DCC: variants seen among roughly 807,000 people sequenced by gnomAD.
DCC encodes netrin receptor DCC.
DCC carries 58 observed loss-of-function variants against 172.5 expected under a neutral mutation model. The ratio of observed to expected loss-of-function variants is 0.34; its 90% confidence interval spans 0.27 to 0.42. The LOEUF (loss-of-function observed/expected upper bound fraction) is 0.42, where lower values mean the gene tolerates loss of function less well. Ranked by LOEUF, DCC falls within the 10% of genes least tolerant of loss-of-function variation. The probability of loss-of-function intolerance (pLI) is 1.00; values close to 1 mark genes in which losing one functional copy is unlikely to be tolerated. For missense variants in DCC, 1,740 were observed against 1,791.0 expected, an observed-to-expected ratio of 0.97 and a Z score of 0.51; for synonymous variants, 709 against 644.5, an observed-to-expected ratio of 1.10 and a Z score of -1.52.
rs1402088890 is a variant in DCC at position 53,184,348 on chromosome 18, TAAGG to T, written c.1573+5239_1573+5242del. On this transcript the variant is annotated intron_variant, in intron 9 of 28. Transcript: ENST00000442544. ...TTTATAAATAAAGCCATGTGTCACT[TAAGG>T]AAGGAAATACATTCCAAGAAATGCA... Among the ~76,000 whole-genome samples the T allele has an allele frequency of 5.3e-5, 8 of 152,168 alleles. No individual in the cohort carries two copies. The South Asian group carries it at 1.7e-3, about 32-fold the overall frequency.
In DCC at chr18:52,614,348, T is replaced by A. The variant is rs920869887; in HGVS notation, c.92-137706T>A. Among the ~76,000 whole-genome samples the A allele has an allele frequency of 3.3e-5, 5 of 152,304 alleles. No individual in the cohort carries two copies. In the Middle Eastern group the frequency reaches 0.01, roughly 311 times the overall value. On this transcript the variant is annotated intron_variant, in intron 1 of 28. Transcript: ENST00000442544. ...CTTCTTCCAAAAGAATTGAGTGTTA[T>A]TCTCCAGAGATCTGAAAGGAAGATT... is the stretch of plus-strand genomic sequence containing the variant.
At chr18:52,625,100 G>T (rs1360676570) in intron 1 of DCC, among the ~76,000 whole-genome samples, 2 of 151,960 alleles carry the variant, frequency 1.3e-5, no homozygotes, top group African/African-American at 4.8e-5. Flanking sequence ...TTGTAACAGT[G>T]GTTTTTGCGT....
At chr18:53,204,697 T>G (rs1598903355) in intron 9 of DCC, among the ~76,000 whole-genome samples, 1 of 152,284 alleles carries the variant, frequency 6.6e-6, no homozygotes, top group East Asian at 1.9e-4. Context: ...AACACTAAAA[T>G]TCATTTAATG....
At chr18:53,262,980 G>T (rs2056623771) in intron 12 of DCC, among the ~76,000 whole-genome samples, 1 of 151,984 alleles carries the variant, frequency 6.6e-6, no homozygotes, top group Non-Finnish European at 1.5e-5. Context: ...AGATTTATTG[G>T]TCTTTCATTG....
chr18:53,375,664 T>G (rs1201952847), intron 15 of DCC, among the ~76,000 whole-genome samples: 1 of 146,056 alleles, frequency 6.8e-6, no homozygotes, highest in East Asian at 2.1e-4. Context: ...GAGGAAAACC[T>G]GTGTGTTTGG....
intron 21 of DCC, among the ~76,000 whole-genome samples, chr18:53,429,871 G>T (rs10163837): frequency 2.0e-4 from 31 of 151,962 alleles, no homozygotes; most frequent in African/African-American, 7.0e-4. Context: ...TTAGGAAAAG[G>T]TTAAGAGAGC....
At chr18:52,786,172 T>C (rs1008330057) in intron 2 of DCC, among the ~76,000 whole-genome samples, 7 of 152,086 alleles carry the variant, frequency 4.6e-5, no homozygotes, top group Non-Finnish European at 1.0e-4. Flanking sequence ...TTCCTTGGTT[T>C]TATTTTCCTA....
chr18:52,343,519 G>C (rs1307375405), intron 1 of DCC, among the ~76,000 whole-genome samples: 1 of 152,298 alleles, frequency 6.6e-6, no homozygotes, highest in Admixed American at 6.5e-5. Context: ...TAGAGAGTGA[G>C]GACTTGATGT....
intron 5 of DCC, among the ~76,000 whole-genome samples, chr18:52,948,940 C>T (rs1273858607): frequency 3.3e-5 from 5 of 152,300 alleles, no homozygotes; most frequent in African/African-American, 1.2e-4. Context: ...CAGATCAGTG[C>T]AACTCTAGAT....
intron 7 of DCC, among the ~76,000 whole-genome samples, chr18:53,155,517 T>C (rs1229134116): frequency 1.3e-5 from 2 of 152,162 alleles, no homozygotes; most frequent in African/African-American, 4.8e-5. Flanking sequence ...CACTACAAAA[T>C]ATACATGCAC....
chr18:53,473,609 T>G (rs543213307), intron 25 of DCC, among the ~76,000 whole-genome samples: 1 of 152,328 alleles, frequency 6.6e-6, no homozygotes, highest in South Asian at 2.1e-4. Flanking sequence ...TTGCTAATTA[T>G]TATTTTCATT....
At chr18:53,057,159 C>T (rs187657603) in intron 5 of DCC, among the ~76,000 whole-genome samples, 29 of 148,070 alleles carry the variant, frequency 2.0e-4, no homozygotes, top group Admixed American at 3.4e-4. Context: ...ATTTATTATG[C>T]GAAATAAAAC....
rs549234138 is a variant in DCC, at chr18:53,435,276, G to A, written c.3229+67G>A. ...TTAAATGGTTAATTCAAGAGTGTCT[G>A]GGGCAAATTTTCTATCAACTACAAG... is the stretch of plus-strand genomic sequence containing the variant. On this transcript the variant is annotated intron_variant, in intron 22 of 28. Transcript: ENST00000442544. 3 of 1,094,754 alleles carry A rather than the reference G, an allele frequency of 2.7e-6. No homozygotes were observed. In the East Asian group the frequency reaches 7.1e-5, roughly 26 times the overall value. 67.8% of individuals were successfully genotyped at this position (1,094,754 alleles called of 1,614,324 possible). A position where few individuals can be genotyped will look rare whatever the true frequency, so the allele number is the denominator to read the frequency against.
At position 52,666,204 on chromosome 18, in the gene DCC, G is replaced by A. The variant is rs573852871; in HGVS notation, c.92-85850G>A. Among the ~76,000 whole-genome samples, 15 of 152,190 alleles carry A rather than the reference G, an allele frequency of 9.9e-5. No individual in the cohort carries two copies. In the East Asian group the frequency reaches 2.1e-3, roughly 22 times the overall value. ...GCTACTCGGTGGAGCTGAGACAGGCGAGTTGCTTGAACCCAGGAGGCGGAG... is the reference window on the plus strand; with the variant it reads ...GCTACTCGGTGGAGCTGAGACAGGCAAGTTGCTTGAACCCAGGAGGCGGAG... On this transcript the variant is annotated intron_variant, in intron 1 of 28. Transcript: ENST00000442544.
At chr18:53,066,628 C>T (rs1185746282) in intron 7 of DCC, among the ~76,000 whole-genome samples, 1 of 151,060 alleles carries the variant, frequency 6.6e-6, no homozygotes, top group African/African-American at 2.4e-5. Flanking sequence ...TATATATGTG[C>T]ATATATACGT....
At chr18:52,800,328 T>G (rs921580526) in intron 2 of DCC, among the ~76,000 whole-genome samples, 8 of 152,250 alleles carry the variant, frequency 5.3e-5, no homozygotes, top group Non-Finnish European at 1.0e-4. Flanking sequence ...ATATTGTGAA[T>G]CTTCTGTGAA....
intron 15 of DCC, among the ~76,000 whole-genome samples, chr18:53,374,272 A>G (rs968197623): frequency 6.6e-6 from 1 of 152,246 alleles, no homozygotes; most frequent in Non-Finnish European, 1.5e-5. Context: ...AGAAAACTTC[A>G]TCATCACAGA....
chr18:53,517,565 C>G (rs1200290946), intron 27 of DCC, among the ~76,000 whole-genome samples: 1 of 152,010 alleles, frequency 6.6e-6, no homozygotes, highest in Admixed American at 6.6e-5. Context: ...CCTTAACCCT[C>G]TCGTCTCATT....
chr18:52,464,815 C>T (rs569622773), intron 1 of DCC, among the ~76,000 whole-genome samples: 13 of 151,992 alleles, frequency 8.6e-5, no homozygotes, highest in Admixed American at 6.5e-4. Flanking sequence ...CCATGTAAAG[C>T]GACTTTTTCC....
Sources: gnomAD v4.1 joint callset for allele counts (sites outside exome capture counted in the v4.1 genomes callset) on GRCh38, gnomAD v4.1.1 for gene constraint, MANE v1.5 for transcripts, NCBI Gene and HGNC (gene_info 2026-07-23, HGNC 2026-07-21) for gene names.